TLN2: variants seen among roughly 807,000 people sequenced by gnomAD.
TLN2 encodes talin-2.
TLN2 carries 118 observed loss-of-function variants against 294.7 expected under a neutral mutation model. The ratio of observed to expected loss-of-function variants is 0.40; its 90% CI spans 0.34 to 0.47. The LOEUF is 0.47. Ranked by LOEUF, TLN2 falls within the 20% of genes least tolerant of loss-of-function variation. TLN2 has a pLI of 0.84. For missense variants in TLN2, 3,083 were observed against 3,282.2 expected (o/e 0.94, Z 1.48); for synonymous variants, 1,431 against 1,304.5 (o/e 1.10, Z -2.09).
intron 2 of TLN2, among the ~76,000 whole-genome samples, chr15:62,617,016 T>C (rs780099060): frequency 6.4e-4 from 97 of 152,012 alleles, no homozygotes; most frequent in Non-Finnish European, 1.1e-3. Context: ...ATAGCTCTAA[T>C]AGAAAAGGAG....
At chr15:62,418,827 G>A (rs567677397) in intron 1 of TLN2, among the ~76,000 whole-genome samples, 1 of 152,164 alleles carries the variant, frequency 6.6e-6, no homozygotes, top group Admixed American at 6.5e-5. Context: ...TGATCAGTTA[G>A]GGTGGGGCAG....
intron 29 of TLN2, 105 bp downstream of exon 29, chr15:62,737,191 G>GCATCGTTTT: frequency 8.4e-7 from 1 of 1,192,730 alleles, no homozygotes; most frequent in Non-Finnish European, 1.2e-6. Context: ...CACTGACACA[G>GCATCGTTTT]CAGATGTTTT....
chr15:62,657,750 T>C, intron 8 of TLN2, 21 bp from the exon 9 acceptor site: 2 of 1,609,662 alleles, frequency 1.2e-6, no homozygotes, highest in Non-Finnish European at 1.7e-6. Context: ...TCTGATGCTT[T>C]TCCTTCCTCT....
At chr15:62,497,983 C>G (rs2039097412) in intron 1 of TLN2, among the ~76,000 whole-genome samples, 1 of 151,700 alleles carries the variant, frequency 6.6e-6, no homozygotes, top group Non-Finnish European at 1.5e-5. Flanking sequence ...TGTGGTGGCT[C>G]ACACCTGTAA....
intron 42 of TLN2, 89 bp downstream of exon 42, chr15:62,771,223 C>A: frequency 7.3e-7 from 1 of 1,365,634 alleles, no homozygotes; most frequent in Admixed American, 2.6e-5. Context: ...GGAGAAAACA[C>A]TTCCAGTTCT....
chr15:62,482,835 G>T (rs1020993741), intron 1 of TLN2, among the ~76,000 whole-genome samples: 6 of 152,156 alleles, frequency 3.9e-5, no homozygotes, highest in African/African-American at 1.4e-4. Flanking sequence ...TTGTGGTTCA[G>T]CCTTCGTGGC....
intron 1 of TLN2, among the ~76,000 whole-genome samples, chr15:62,569,775 A>G (rs974862732): frequency 3.9e-5 from 6 of 152,234 alleles, no homozygotes; most frequent in Non-Finnish European, 8.8e-5. Context: ...TTCAGTTACC[A>G]GAGTAGTTTT....
intron 55 of TLN2, chr15:62,834,932 A>G (rs2069322849): frequency 6.6e-6 from 1 of 152,194 alleles, no homozygotes; most frequent in South Asian, 2.1e-4. Context: ...AAGCATTTAA[A>G]AAATTGGTGA....
intron 1 of TLN2, among the ~76,000 whole-genome samples, chr15:62,505,109 A>T (rs1185627250): frequency 6.6e-6 from 1 of 151,382 alleles, no homozygotes; most frequent in East Asian, 1.9e-4. Flanking sequence ...GGCGCCTGCC[A>T]CTATGCCCAG....
chr15:62,444,855 A>G (rs1438486329), intron 1 of TLN2, among the ~76,000 whole-genome samples: 1 of 152,208 alleles, frequency 6.6e-6, no homozygotes, highest in Non-Finnish European at 1.5e-5. Context: ...GGATGCTGAC[A>G]AAGGCATGTG....
intron 52 of TLN2, among the ~76,000 whole-genome samples, chr15:62,817,067 A>G (rs1437696778): frequency 1.3e-5 from 2 of 152,154 alleles, no homozygotes; most frequent in African/African-American, 4.8e-5. Context: ...ATAAAGGAAG[A>G]CTGTTGTGGT....
rs2070910196 is a variant in TLN2, at chr15:62,843,512, GC to G, written c.*2903del. On this transcript the variant is annotated 3_prime_UTR_variant, in exon 59 of 59. Transcript: ENST00000636159. ...CGGTCAACACAGTCCCTCCAGGTCG[GC>G]TGCAGAGGCAGCTGCCCAGCCTGCA... 6.6e-6 allele frequency: 1 copy of G among 152,240 alleles called. No homozygotes were observed. The allele number at this position is 152,240 out of a possible 1,614,324, so 9.4% of individuals were successfully genotyped here.
chr15:62,645,712 T>A (rs2051746669), intron 3 of TLN2, among the ~76,000 whole-genome samples: 1 of 152,140 alleles, frequency 6.6e-6, no homozygotes, highest in Admixed American at 6.5e-5. Flanking sequence ...CCTTCTTCCG[T>A]GGGAAGAAGC....
At chr15:62,788,522 C>T (rs1003881839) in intron 45 of TLN2, among the ~76,000 whole-genome samples, 1 of 152,180 alleles carries the variant, frequency 6.6e-6, no homozygotes, top group African/African-American at 2.4e-5. Context: ...AATCTTGTTT[C>T]TCCTCACAAC....
intron 42 of TLN2, among the ~76,000 whole-genome samples, chr15:62,775,727 G>A (rs1422489195): frequency 6.6e-6 from 1 of 152,162 alleles, no homozygotes; most frequent in African/African-American, 2.4e-5. Flanking sequence ...GCAGTATCTT[G>A]GCCTTTTGAA....
chr15:62,529,873 GGAC>G (rs1161769005), intron 1 of TLN2, among the ~76,000 whole-genome samples: 3 of 152,162 alleles, frequency 2.0e-5, no homozygotes, highest in Non-Finnish European at 4.4e-5. Context: ...CCCTGTTGAT[GGAC>G]ATACTTTGGT....
chr15:62,709,857 C>T (rs561812348), intron 21 of TLN2, among the ~76,000 whole-genome samples: 1 of 152,268 alleles, frequency 6.6e-6, no homozygotes, highest in African/African-American at 2.4e-5. Context: ...GCCTCAGCCT[C>T]CCAAGTAGCT....
At chr15:62,748,489 C>G in intron 33 of TLN2, 45 bp downstream of exon 33, 1 of 1,417,016 alleles carries the variant, frequency 7.1e-7, no homozygotes, top group Non-Finnish European at 1.0e-6. Context: ...GAGGGAGTGT[C>G]TGTGTCTGTG....
At chr15:62,686,085 T>G (rs1567348549) in intron 11 of TLN2, among the ~76,000 whole-genome samples, 1 of 152,158 alleles carries the variant, frequency 6.6e-6, no homozygotes, top group Non-Finnish European at 1.5e-5. Context: ...CTTAAAACAT[T>G]ATTAAAACTA....
Sources: allele counts gnomAD v4.1 joint callset (sites outside exome capture counted in the v4.1 genomes callset), GRCh38; gene constraint gnomAD v4.1.1; transcripts MANE v1.5; gene names NCBI Gene and HGNC (gene_info 2026-07-23, HGNC 2026-07-21).